Variants in MTMR8 observed in about 807,000 individuals in gnomAD.
MTMR8 encodes the protein myotubularin related protein 8, also known as phosphatidylinositol-3,5-bisphosphate 3-phosphatase MTMR8.
Under a neutral mutation model 39.3 loss-of-function variants are expected in MTMR8, and 65 were observed. The observed-to-expected ratio is 1.65, with a 90% CI of 1.35 to 2.03. The LOEUF (loss-of-function observed/expected upper bound fraction) is 2.03. MTMR8 is among the 30% of genes most tolerant of loss of function. The pLI is 0.00. For synonymous variants in MTMR8, 245 were observed against 185.2 expected, an observed-to-expected ratio of 1.32 and a Z score of -2.62; for missense variants, 777 against 538.9, an observed-to-expected ratio of 1.44 and a Z score of -4.37.
Position 64,362,107 on chromosome X carries a change from A to G in MTMR8, c.25-2580T>C, listed in dbSNP as rs746022917. Among the ~76,000 whole-genome samples, 6 of 110,526 alleles carry G rather than the reference A, an allele frequency of 5.4e-5. No individual in the cohort carries two copies. In the East Asian group the frequency reaches 1.7e-3, roughly 31 times the overall value. On this transcript the variant is annotated intron_variant, in intron 1 of 13. Coordinates refer to ENST00000374852, the MANE Select transcript of MTMR8 (RefSeq NM_017677.4). ...AAAAATTATATAGAATCTAGAAATT[A>G]GCTTAATTAACCAAGTATACACAAG...
At chrX:64,284,356 C>T (rs1921072183) in intron 12 of MTMR8, among the ~76,000 whole-genome samples, 1 of 111,993 alleles carries the variant, frequency 8.9e-6, no homozygotes, top group South Asian at 3.7e-4. Context: ...GATTGGTGTA[C>T]CTGACAGTGA....
chrX:64,343,449 A>G (rs1923266976), intron 8 of MTMR8, among the ~76,000 whole-genome samples, 162 bp downstream of exon 8: 1 of 112,305 alleles, frequency 8.9e-6, no homozygotes, highest in Admixed American at 9.4e-5. Context: ...ACTGAGACCC[A>G]GAGAAGAAAA....
chrX:64,351,836 G>T (rs1923494535), intron 4 of MTMR8, among the ~76,000 whole-genome samples: 2 of 111,056 alleles, frequency 1.8e-5, no homozygotes, highest in Admixed American at 1.9e-4. Flanking sequence ...ACCTTCTTCT[G>T]CCTGCTTTTT....
chrX:64,350,570 T>C (rs962212799), intron 4 of MTMR8, among the ~76,000 whole-genome samples: 2 of 111,590 alleles, frequency 1.8e-5, no homozygotes, highest in African/African-American at 6.5e-5. Flanking sequence ...CATTTCTATT[T>C]CTGAGGAATA....
chrX:64,288,184 A>C (rs1011201695), intron 12 of MTMR8, among the ~76,000 whole-genome samples: 22 of 110,009 alleles, frequency 2.0e-4, no homozygotes, highest in African/African-American at 7.2e-4. Flanking sequence ...ACCCCATCAA[A>C]AAGTGGGTAA....
chrX:64,296,739 C>A (rs1378737491), intron 12 of MTMR8, among the ~76,000 whole-genome samples: 1 of 105,371 alleles, frequency 9.5e-6, no homozygotes, highest in African/African-American at 3.5e-5. Flanking sequence ...CCTCCCCCGC[C>A]CCCAACACAG....
intron 1 of MTMR8, among the ~76,000 whole-genome samples, chrX:64,391,049 A>G (rs1320023133): frequency 8.9e-6 from 1 of 112,221 alleles, no homozygotes; most frequent in African/African-American, 3.2e-5. Context: ...GAACATTTCC[A>G]TCATTCCAAA....
chrX:64,376,973 C>G (rs1386090753), intron 1 of MTMR8, among the ~76,000 whole-genome samples: 1 of 111,756 alleles, frequency 8.9e-6, no homozygotes, highest in African/African-American at 3.2e-5. Context: ...GCTAAAAGAA[C>G]CCCAGATACG....
intron 12 of MTMR8, among the ~76,000 whole-genome samples, chrX:64,316,528 G>T (rs1392927236): frequency 9.0e-6 from 1 of 111,177 alleles, no homozygotes; most frequent in Non-Finnish European, 1.9e-5. Flanking sequence ...CATGCCTGTT[G>T]TCCCAGCTAC....
Position 64,345,150 on chromosome X carries a change from C to T in MTMR8, c.760G>A (p.Gly254Arg), listed in dbSNP as rs1923316853. 2.5e-6 allele frequency: 3 copies of T among 1,211,277 alleles called. No individual in the cohort carries two copies. The East Asian group carries it at 8.9e-5, about 36-fold the overall frequency. The change falls in exon 7 of 14, where the codon GGG becomes AGG. Residue 254 changes from glycine to arginine, a missense_variant. By Grantham distance (125) the Gly-to-Arg change is moderately radical (BLOSUM62 -2). Coordinates refer to ENST00000374852, the MANE Select transcript of MTMR8 (RefSeq NM_017677.4). ...KLNAMANRAAGKGYENEDNYA... is the reference protein window; with the variant it reads ...KLNAMANRAARKGYENEDNYA... ...TTGTCTTCATTTTCATACCCCTTCC[C>T]AGCTGCTCGGTTGGCCATGGCATTC... is the stretch of plus-strand genomic sequence containing the variant.
chrX:64,356,803 C>T (rs758782324), intron 2 of MTMR8, among the ~76,000 whole-genome samples: 6 of 109,890 alleles, frequency 5.5e-5, no homozygotes, highest in Admixed American at 9.8e-5. Context: ...AGCCATTTGA[C>T]GTGTAATCAT....
chrX:64,354,788 T>C lies in MTMR8; in HGVS notation c.457A>G (p.Arg153Gly), dbSNP rs765115671. ...AAGGACAAAATTACCTCATAGTTTC[T>C]GTTGGCATCTGTTATGGTCCAGTTT... ...NRNWTITDAN[R>G]NYEICSTYPP... The change falls in exon 4 of 14, where the codon AGA (arginine) becomes GGA (glycine). Residue 153 changes from arginine (R) to glycine (G), a missense_variant. Physicochemically the swap from Arg to Gly is moderately radical, Grantham distance 125. Transcript: ENST00000374852. The C allele has an allele frequency of 6.8e-6, 8 of 1,182,672 alleles. No individual in the cohort carries two copies. The South Asian group carries it at 1.4e-4, about 20-fold the overall frequency.
At chrX:64,356,066 G>A in intron 3 of MTMR8, 110 bp downstream of exon 3, 1 of 730,992 alleles carries the variant, frequency 1.4e-6, no homozygotes, top group Non-Finnish European at 2.0e-6. Flanking sequence ...GCTAATAAGT[G>A]GTACAGCCCA....
chrX:64,386,204 G>A (rs1420694490), intron 1 of MTMR8, among the ~76,000 whole-genome samples: 2 of 111,619 alleles, frequency 1.8e-5, no homozygotes, highest in Admixed American at 1.9e-4. Context: ...AATGCCCAGT[G>A]GGAACGCTCA....
At chrX:64,338,937 C>T (rs1923146201) in intron 8 of MTMR8, among the ~76,000 whole-genome samples, 1 of 111,444 alleles carries the variant, frequency 9.0e-6, no homozygotes, top group South Asian at 3.8e-4. Flanking sequence ...TGCCATTAGA[C>T]TAAATAATGA....
intron 12 of MTMR8, among the ~76,000 whole-genome samples, chrX:64,297,268 C>T (rs1332202238): frequency 9.3e-6 from 1 of 106,955 alleles, no homozygotes; most frequent in South Asian, 4.3e-4. Context: ...TTAATGATTG[C>T]CATTCTAACT....
intron 6 of MTMR8, among the ~76,000 whole-genome samples, chrX:64,348,165 T>C (rs1923390683): frequency 9.0e-6 from 1 of 111,595 alleles, no homozygotes; most frequent in Non-Finnish European, 1.9e-5. Flanking sequence ...GAGCTAAAGA[T>C]TTTTTGTTAA....
intron 1 of MTMR8, among the ~76,000 whole-genome samples, chrX:64,381,727 A>G (rs1450783848): frequency 9.0e-6 from 1 of 111,138 alleles, no homozygotes; most frequent in Non-Finnish European, 1.9e-5. Flanking sequence ...TAGGGTTTTT[A>G]TGGTTTTAGG....
At chrX:64,367,592 T>C (rs1473074457) in intron 1 of MTMR8, among the ~76,000 whole-genome samples, 1 of 111,560 alleles carries the variant, frequency 9.0e-6, no homozygotes, top group African/African-American at 3.3e-5. Flanking sequence ...ATAAATTAGG[T>C]ATTGATGGAA....
Sources: gnomAD v4.1 joint callset for allele counts (sites outside exome capture counted in the v4.1 genomes callset) on GRCh38, gnomAD v4.1.1 for gene constraint, MANE v1.5 for transcripts, NCBI Gene and HGNC (gene_info 2026-07-23, HGNC 2026-07-21) for gene names.